The following RABGAP1L variants were observed in gnomAD, a reference collection of about 807,000 sequenced individuals.
The protein encoded by RABGAP1L is rab GTPase-activating protein 1-like.
A neutral mutation model predicts 137.7 loss-of-function variants in RABGAP1L; 63 were observed. That is an observed-to-expected ratio of 0.46 (90% confidence interval 0.37 to 0.56). RABGAP1L has a LOEUF of 0.56. RABGAP1L is among the 20% of genes least tolerant of loss of function. RABGAP1L has a pLI of 0.00. For missense variants in RABGAP1L, 1,095 were observed against 1,244.0 expected, an observed-to-expected ratio of 0.88 and a Z score of 1.80; for synonymous variants, 431 against 433.7, an observed-to-expected ratio of 0.99 and a Z score of 0.08.
chr1:174,400,611 CT>C (rs948884733), intron 13 of RABGAP1L, among the ~76,000 whole-genome samples: 3 of 152,088 alleles, frequency 2.0e-5, no homozygotes, highest in Non-Finnish European at 4.4e-5. Context: ...GAAGCAATGT[CT>C]TTTTTGTAGG....
At chr1:174,906,042 G>A (rs776872629) in intron 19 of RABGAP1L, among the ~76,000 whole-genome samples, 9 of 152,054 alleles carry the variant, frequency 5.9e-5, no homozygotes, top group Non-Finnish European at 1.0e-4. Context: ...CTTTGAGACA[G>A]GATCTCACTC....
intron 14 of RABGAP1L, among the ~76,000 whole-genome samples, chr1:174,662,107 T>C (rs929575697): frequency 4.5e-5 from 5 of 112,284 alleles, no homozygotes; most frequent in Middle Eastern, 3.7e-3. Flanking sequence ...CTTTTCTTTT[T>C]TTTTTTTTTT....
At chr1:174,300,300 T>G (rs1677550083) in intron 10 of RABGAP1L, among the ~76,000 whole-genome samples, 1 of 151,854 alleles carries the variant, frequency 6.6e-6, no homozygotes, top group Non-Finnish European at 1.5e-5. Context: ...CCGAGGCTGG[T>G]GAATCTCCTG....
At chr1:174,685,360 C>T (rs2148484555) in intron 15 of RABGAP1L, among the ~76,000 whole-genome samples, 1 of 152,208 alleles carries the variant, frequency 6.6e-6, no homozygotes, top group African/African-American at 2.4e-5. Context: ...TCACTCCATT[C>T]TCCTGCCTCA....
At chr1:174,284,644 T>C (rs1403544813) in intron 10 of RABGAP1L, among the ~76,000 whole-genome samples, 2 of 152,078 alleles carry the variant, frequency 1.3e-5, no homozygotes, top group African/African-American at 4.8e-5. Flanking sequence ...GAGTACTCTT[T>C]GTACTGTTTT....
At chr1:174,555,927 T>A (rs1217112873) in intron 13 of RABGAP1L, among the ~76,000 whole-genome samples, 1 of 151,648 alleles carries the variant, frequency 6.6e-6, no homozygotes, top group Non-Finnish European at 1.5e-5. Context: ...TATTAGGGAC[T>A]GGATATTGTA....
chr1:174,665,008 A>T (rs1288003718), intron 14 of RABGAP1L, among the ~76,000 whole-genome samples: 1 of 152,154 alleles, frequency 6.6e-6, no homozygotes, highest in African/African-American at 2.4e-5. Context: ...AAGTGCTGGG[A>T]TTACAGGCAT....
At chr1:174,791,697 A>G (rs915535919) in intron 18 of RABGAP1L, among the ~76,000 whole-genome samples, 2 of 152,216 alleles carry the variant, frequency 1.3e-5, no homozygotes, top group Non-Finnish European at 2.9e-5. Flanking sequence ...CTGAGATAGC[A>G]TTCCATTTTC....
intron 19 of RABGAP1L, among the ~76,000 whole-genome samples, chr1:174,894,075 A>T (rs929838770): frequency 6.6e-6 from 1 of 152,204 alleles, no homozygotes; most frequent in Non-Finnish European, 1.5e-5. Context: ...AAGCTAGTAG[A>T]TTGTGACCAC....
At chr1:174,356,770 G>T (rs1253247463) in intron 11 of RABGAP1L, among the ~76,000 whole-genome samples, 1 of 152,086 alleles carries the variant, frequency 6.6e-6, no homozygotes, top group African/African-American at 2.4e-5. Context: ...AACAAACTGG[G>T]AATGTGTTTT....
chr1:174,504,599 A>G (rs1177071358), intron 13 of RABGAP1L, among the ~76,000 whole-genome samples: 3 of 152,166 alleles, frequency 2.0e-5, no homozygotes, highest in Admixed American at 2.0e-4. Context: ...ATTTTTGACA[A>G]CTATGCCAAG....
At chr1:174,708,404 G>A (rs1680211803) in intron 17 of RABGAP1L, among the ~76,000 whole-genome samples, 1 of 152,168 alleles carries the variant, frequency 6.6e-6, no homozygotes, top group Non-Finnish European at 1.5e-5. Flanking sequence ...TGAGACCAAT[G>A]CAGAGGGTGG....
At chr1:174,520,885 C>A (rs1663302726) in intron 13 of RABGAP1L, among the ~76,000 whole-genome samples, 1 of 152,222 alleles carries the variant, frequency 6.6e-6, no homozygotes, top group South Asian at 2.1e-4. Context: ...CCTATAGTCC[C>A]AGCTACTTGG....
chr1:174,256,492 A>G (rs1249136300), intron 7 of RABGAP1L, among the ~76,000 whole-genome samples: 1 of 152,058 alleles, frequency 6.6e-6, no homozygotes. Context: ...CATTAAGACC[A>G]TGAAAATATG....
chr1:174,640,076 A>G lies in RABGAP1L; in HGVS notation c.1824+2588A>G, dbSNP rs528524454. Among the ~76,000 whole-genome samples the G allele has an allele frequency of 4.6e-5, 7 of 152,288 alleles. No homozygotes were observed. In the South Asian group the frequency reaches 1.4e-3, roughly 32 times the overall value. ...TTAGACATAGTATTAAATAAAAGCAATAAAAGTTTTTAAGGATTTTAATGC... is the reference window on the plus strand; with the variant it reads ...TTAGACATAGTATTAAATAAAAGCAGTAAAAGTTTTTAAGGATTTTAATGC... On this transcript the variant is annotated intron_variant, in intron 14 of 25. Coordinates refer to ENST00000681986, the MANE Select transcript of RABGAP1L (RefSeq NM_001366446.1).
chr1:174,637,288 C>A, intron 13 of RABGAP1L, 87 bp from the exon 14 acceptor site: 1 of 865,768 alleles, frequency 1.2e-6, no homozygotes. Flanking sequence ...ACTTTTCTTG[C>A]TGTTTGAGTT....
At chr1:174,164,324 G>A (rs1051180180) in intron 1 of RABGAP1L, among the ~76,000 whole-genome samples, 3 of 152,154 alleles carry the variant, frequency 2.0e-5, no homozygotes, top group Non-Finnish European at 4.4e-5. Context: ...CTGTAACCAA[G>A]AGTAAGATTT....
chr1:174,712,266 T>G (rs982563908), intron 17 of RABGAP1L, among the ~76,000 whole-genome samples: 3 of 152,198 alleles, frequency 2.0e-5, no homozygotes, highest in Admixed American at 2.0e-4. Context: ...AGCTTTGTTC[T>G]TTTGCTCTTT....
At chr1:174,740,347 C>T (rs1683287810) in intron 17 of RABGAP1L, among the ~76,000 whole-genome samples, 1 of 152,046 alleles carries the variant, frequency 6.6e-6, no homozygotes, top group Non-Finnish European at 1.5e-5. Flanking sequence ...AGAAAGGGTC[C>T]CCAAAGATGA....
Sources: allele counts gnomAD v4.1 joint callset (sites outside exome capture counted in the v4.1 genomes callset), GRCh38; gene constraint gnomAD v4.1.1; transcripts MANE v1.5; gene names NCBI Gene and HGNC (gene_info 2026-07-23, HGNC 2026-07-21).